The following TVP23B variants were observed in gnomAD, a reference collection of about 807,000 sequenced individuals.
TVP23B encodes the protein trans-golgi network vesicle protein 23 homolog B, also known as Golgi apparatus membrane protein TVP23 homolog B.
TVP23B carries 10 observed loss-of-function variants against 30.6 expected under a neutral mutation model. The ratio of observed to expected loss-of-function variants is 0.33; its 90% CI spans 0.20 to 0.55. TVP23B has a LOEUF of 0.55. Among genes scored for constraint, TVP23B ranks in the 20% least tolerant of loss-of-function variants. TVP23B has a pLI of 0.91. For synonymous variants in TVP23B, 67 were observed against 83.1 expected, an observed-to-expected ratio of 0.81 and a Z score of 1.06; for missense variants, 153 against 243.2, an observed-to-expected ratio of 0.63 and a Z score of 2.47.
chr17:18,795,911 T>TA (rs1334992878), intron 3 of TVP23B: 5 of 151,548 alleles, frequency 3.3e-5, no homozygotes, highest in African/African-American at 1.2e-4. Flanking sequence ...GGTATGTACT[T>TA]ACAGGAAAAA....
chr17:18,805,478 T>G, intron 6 of TVP23B, 63 bp from the exon 7 acceptor site: 1 of 1,598,546 alleles, frequency 6.3e-7, no homozygotes, highest in Non-Finnish European at 8.5e-7. Flanking sequence ...AGTCCCCAAG[T>G]CCATGGTGTG....
intron 4 of TVP23B, among the ~76,000 whole-genome samples, chr17:18,798,403 C>T (rs2036107585): frequency 6.7e-6 from 1 of 148,188 alleles, no homozygotes; most frequent in Admixed American, 6.9e-5. Context: ...TCCCTTGATT[C>T]CGTTTTTTTT....
At chr17:18,803,330 A>G (rs2036196936) in intron 5 of TVP23B, among the ~76,000 whole-genome samples, 1 of 152,224 alleles carries the variant, frequency 6.6e-6, no homozygotes, top group Admixed American at 6.5e-5. Flanking sequence ...AGCAGAGTTG[A>G]GTAATTGCAA....
At chr17:18,789,193 G>C (rs1179049768) in intron 1 of TVP23B, 160 bp from the exon 2 acceptor site, 5 of 1,130,374 alleles carry the variant, frequency 4.4e-6, no homozygotes, top group Non-Finnish European at 6.2e-6. Context: ...GAGGAGGCGG[G>C]TGGAGGATCT....
At chr17:18,784,086 A>G (rs1017022223) in intron 1 of TVP23B, among the ~76,000 whole-genome samples, 1 of 152,168 alleles carries the variant, frequency 6.6e-6, no homozygotes, top group African/African-American at 2.4e-5. Flanking sequence ...CGGAGCTTGC[A>G]GTGAGCCGAG....
At position 18,805,741 on chromosome 17, in the gene TVP23B, C is replaced by T. The variant is rs1198801513; in HGVS notation, c.*174C>T. 21 of 1,436,938 alleles carry T rather than the reference C, an allele frequency of 1.5e-5. No homozygotes were observed. Among genetic ancestry groups the T allele is most frequent in the Non-Finnish European group, 1.9e-5 (21 of 1,096,598 alleles). The allele number at this position is 1,436,938 out of a possible 1,614,324, so 89.0% of individuals were successfully genotyped here. On this transcript the variant is annotated 3_prime_UTR_variant, in exon 7 of 7. Transcript: ENST00000307767. ...TTCATATTAAGTTTTTATTTCCTTT[C>T]CAGCAGTTGGGGCTAGAAAGTATGT...
At chr17:18,782,703 T>G (rs966753187) in intron 1 of TVP23B, among the ~76,000 whole-genome samples, 1 of 152,088 alleles carries the variant, frequency 6.6e-6, no homozygotes, top group Non-Finnish European at 1.5e-5. Flanking sequence ...TCCTCCCCTT[T>G]TAGATCATAG....
In TVP23B at chr17:18,781,211, G is replaced by A. The variant is rs2035798875; in HGVS notation, c.-83G>A. The A allele has an allele frequency of 7.8e-6, 12 of 1,541,344 alleles. No homozygotes were observed. On this transcript the variant is annotated 5_prime_UTR_variant, in exon 1 of 7. Coordinates refer to ENST00000307767, the MANE Select transcript of TVP23B (RefSeq NM_016078.6). ...ACAGTGGTCCCTGCTGGCCCTTGGT[G>A]ACGGGTCGCCTCAGTTCCGACCCGG...
chr17:18,801,478 C>T (rs757280199), intron 5 of TVP23B, among the ~76,000 whole-genome samples: 6 of 152,200 alleles, frequency 3.9e-5, no homozygotes, highest in Non-Finnish European at 8.8e-5. Context: ...GTGGCTGCTG[C>T]TCTGAGCTGG....
At chr17:18,797,797 A>C in intron 4 of TVP23B, 129 bp downstream of exon 4, 1 of 880,502 alleles carries the variant, frequency 1.1e-6, no homozygotes, top group South Asian at 1.8e-5. Flanking sequence ...TCAGCACTAA[A>C]GGAGATGGCC....
In TVP23B at chr17:18,798,478, T is replaced by A. The variant is rs573480857; in HGVS notation, c.331-334T>A. Among the ~76,000 whole-genome samples the A allele has an allele frequency of 1.1e-4, 16 of 152,166 alleles. No homozygotes were observed. The South Asian group carries it at 3.1e-3, about 30-fold the overall frequency. On this transcript the variant is annotated intron_variant, in intron 4 of 6. Transcript: ENST00000307767. ...ATGATTATAACTGTGATTTCCTTGA[T>A]CATTGGTAGGAAAGGTATCATTTAG...
chr17:18,806,341 CATAATG>C lies in TVP23B; in HGVS notation c.*776_*781del. The C allele has an allele frequency of 4.0e-6, 3 of 758,182 alleles. No individual in the cohort carries two copies. Among genetic ancestry groups the C allele is most frequent in the Non-Finnish European group, 4.8e-6 (3 of 621,916 alleles). The allele number at this position is 758,182 out of a possible 1,614,324, so 47.0% of individuals were successfully genotyped here. ...CACTAAAAGAGCATTATTCTCATGT[CATAATG>C]AGAATAATAATTTACATACTTGGCA... is the stretch of plus-strand genomic sequence containing the variant. On this transcript the variant is annotated 3_prime_UTR_variant, in exon 7 of 7. Coordinates refer to ENST00000307767, the MANE Select transcript of TVP23B (RefSeq NM_016078.6).
chr17:18,792,933 A>AT (rs2036018905), intron 3 of TVP23B, among the ~76,000 whole-genome samples: 4 of 152,328 alleles, frequency 2.6e-5, no homozygotes, highest in African/African-American at 9.6e-5. Context: ...ATCAATCTTC[A>AT]TCTAAACCCC....
chr17:18,783,096 G>GT (rs2035834602), intron 1 of TVP23B, among the ~76,000 whole-genome samples: 1 of 71,412 alleles, frequency 1.4e-5, no homozygotes. Flanking sequence ...TTTATTGATT[G>GT]ATTGATTGAT....
At chr17:18,791,762 C>G (rs2035997864) in intron 3 of TVP23B, among the ~76,000 whole-genome samples, 1 of 151,836 alleles carries the variant, frequency 6.6e-6, no homozygotes. Context: ...GTTTCAAACT[C>G]AAGAACAATG....
chr17:18,805,717 T>C lies in TVP23B; in HGVS notation c.*150T>C, dbSNP rs1269922304. The C allele has an allele frequency of 1.4e-6, 2 of 1,456,994 alleles. No individual in the cohort carries two copies. The highest frequency in any genetic ancestry group is 5.0e-5 in the East Asian group (2 of 40,276). 90.3% of individuals were successfully genotyped at this position (1,456,994 alleles called of 1,614,324 possible). ...TATTTATAAAAAGGAAAAGTAGTTT[T>C]CATATTAAGTTTTTATTTCCTTTCC... On this transcript the variant is annotated 3_prime_UTR_variant, in exon 7 of 7. Coordinates refer to ENST00000307767, the MANE Select transcript of TVP23B (RefSeq NM_016078.6).
chr17:18,784,647 C>G lies in TVP23B; in HGVS notation c.12+3342C>G, dbSNP rs576182201. Among the ~76,000 whole-genome samples the G allele has an allele frequency of 4.7e-5, 7 of 150,280 alleles. No individual in the cohort carries two copies. The South Asian group carries it at 1.3e-3, about 27-fold the overall frequency. ...GCCTGGCGACAGAGCGAGACTCCGTCTCAAAAAAAAGAAAAAAAATACAGT... is the reference window on the plus strand; with the variant it reads ...GCCTGGCGACAGAGCGAGACTCCGTGTCAAAAAAAAGAAAAAAAATACAGT... On this transcript the variant is annotated intron_variant, in intron 1 of 6. Transcript: ENST00000307767.
At chr17:18,785,814 C>T (rs527919082) in intron 1 of TVP23B, among the ~76,000 whole-genome samples, 2 of 151,644 alleles carry the variant, frequency 1.3e-5, no homozygotes, top group South Asian at 2.1e-4. Flanking sequence ...CCAGCCTGGG[C>T]GAGAGCCAGA....
chr17:18,789,480 G>A (rs777476589), intron 2 of TVP23B, 45 bp downstream of exon 2: 23 of 1,613,344 alleles, frequency 1.4e-5, no homozygotes, highest in Non-Finnish European at 2.0e-5. Flanking sequence ...GTCCAGTGCT[G>A]TTCTGTATGT....
Sources: gnomAD v4.1 joint callset for allele counts (sites outside exome capture counted in the v4.1 genomes callset) on GRCh38, gnomAD v4.1.1 for gene constraint, MANE v1.5 for transcripts, NCBI Gene and HGNC (gene_info 2026-07-23, HGNC 2026-07-21) for gene names.